Variants in DROSHA observed in about 807,000 individuals in gnomAD.
The protein encoded by DROSHA is drosha ribonuclease III.
In DROSHA, 56 loss-of-function variants were observed where a neutral mutation model predicts 181.9. The ratio of observed to expected loss-of-function variants is 0.31; its 90% CI spans 0.25 to 0.38. The LOEUF (loss-of-function observed/expected upper bound fraction) is 0.38, where lower values mean the gene tolerates loss of function less well. Ranked by LOEUF, DROSHA falls within the 10% of genes least tolerant of loss-of-function variation. The pLI is 1.00. For missense variants in DROSHA, 1,218 were observed against 1,743.5 expected (o/e 0.70, Z 5.37); for synonymous variants, 524 against 591.2 (o/e 0.89, Z 1.65).
intron 20 of DROSHA, among the ~76,000 whole-genome samples, chr5:31,461,078 G>T (rs1190980936): frequency 6.6e-6 from 1 of 152,076 alleles, no homozygotes; most frequent in Non-Finnish European, 1.5e-5. Context: ...ATTTATTAAG[G>T]ACGTAAAAAG....
chr5:31,523,308 C>T (rs1740115013), intron 5 of DROSHA, among the ~76,000 whole-genome samples: 1 of 152,136 alleles, frequency 6.6e-6, no homozygotes, highest in South Asian at 2.1e-4. Context: ...AAATAAAGCC[C>T]GTTTTAGAAA....
At chr5:31,463,561 T>A (rs1748654678) in intron 20 of DROSHA, among the ~76,000 whole-genome samples, 1 of 152,176 alleles carries the variant, frequency 6.6e-6, no homozygotes, top group Middle Eastern at 3.2e-3. Flanking sequence ...ACTGTAATTC[T>A]CATGGACTTC....
intron 5 of DROSHA, among the ~76,000 whole-genome samples, chr5:31,524,975 A>T (rs1561296669): frequency 6.6e-6 from 1 of 152,162 alleles, no homozygotes; most frequent in Non-Finnish European, 1.5e-5. Flanking sequence ...TGAGTGGATC[A>T]CTTGAGTTCA....
chr5:31,482,814 C>CT lies in DROSHA; in HGVS notation c.2071+739dup, dbSNP rs200907484. Among the ~76,000 whole-genome samples, 828 of 144,544 alleles carry CT rather than the reference C, an allele frequency of 5.7e-3. 3 individuals carry two copies. Among genetic ancestry groups the CT allele is most frequent in the Middle Eastern group, 0.014 (4 of 282 alleles). The allele number at this position is 144,544 out of a possible 152,430, so 94.8% of individuals were successfully genotyped here. ...CAACCAAAAGATTTCATTAAAAATA[C>CT]TTTTTTTTTTTTTTTAATTTTTAGA... is the stretch of plus-strand genomic sequence containing the variant. On this transcript the variant is annotated intron_variant, in intron 16 of 35. Transcript: ENST00000344624.
At chr5:31,498,403 G>GA (rs368763133) in intron 11 of DROSHA, among the ~76,000 whole-genome samples, 7 of 150,054 alleles carry the variant, frequency 4.7e-5, no homozygotes, top group African/African-American at 1.5e-4. Context: ...TGAATAAACT[G>GA]AAAAAAAAAG....
rs989193068 is a variant in DROSHA, at chr5:31,423,069, T to C, written c.3262-125A>G. On this transcript the variant is annotated intron_variant, in intron 28 of 35. Transcript: ENST00000344624. The stretch of plus-strand genomic sequence containing the variant: ...TGAGCAGAAATTTCTGAAATGCCAA[T>C]AAAGCATGGAAGCTCGTTTCTCATT... 1.4e-5 allele frequency: 12 copies of C among 876,404 alleles called. 1 individual carries two copies. The highest frequency in any genetic ancestry group is 7.2e-4 in the Middle Eastern group (2 of 2,774). The allele number at this position is 876,404 out of a possible 1,614,324, so 54.3% of individuals were successfully genotyped here. A position where few individuals can be genotyped will look rare whatever the true frequency, so the allele number is the denominator to read the frequency against.
chr5:31,451,676 A>G (rs1009373917), intron 20 of DROSHA, 36 bp from the exon 21 acceptor site: 1 of 1,473,508 alleles, frequency 6.8e-7, no homozygotes, highest in African/African-American at 1.4e-5. Context: ...TTAACTTTAT[A>G]AAAACTTATA....
Position 31,514,230 on chromosome 5 carries a change from C to CAT in DROSHA, c.1290+757_1290+758insAT, listed in dbSNP as rs1739023299. ...TCCTTATTTTTCATTTTGGAGAAAACACACACACACACACACACACACACA... is the reference window on the plus strand; with the variant it reads ...TCCTTATTTTTCATTTTGGAGAAAACATACACACACACACACACACACACACA... On this transcript the variant is annotated intron_variant, in intron 8 of 35. Coordinates refer to ENST00000344624, the MANE Select transcript of DROSHA (RefSeq NM_001382508.1). The surrounding 1 kb of genome is among the most constrained non-coding windows in gnomAD (Gnocchi z 4.4). Among the ~76,000 whole-genome samples, 1 of 61,544 alleles carries CAT rather than the reference C, an allele frequency of 1.6e-5. No individual in the cohort carries two copies. The highest frequency in any genetic ancestry group is 4.9e-5 in the African/African-American group (1 of 20,586). The allele number at this position is 61,544 out of a possible 152,430, so 40.4% of individuals were successfully genotyped here. A position where few individuals can be genotyped will look rare whatever the true frequency, so the allele number is the denominator to read the frequency against.
chr5:31,529,155 C>A, intron 3 of DROSHA, 50 bp from the exon 4 acceptor site: 1 of 1,483,952 alleles, frequency 6.7e-7, no homozygotes, highest in Non-Finnish European at 9.2e-7. Context: ...CCCAAACTGC[C>A]AATGCTACAA....
At chr5:31,415,460 T>C (rs1741825079) in intron 30 of DROSHA, among the ~76,000 whole-genome samples, 1 of 152,208 alleles carries the variant, frequency 6.6e-6, no homozygotes, top group African/African-American at 2.4e-5. Flanking sequence ...GAAATCCTCA[T>C]ACAGGAGGCT....
intron 23 of DROSHA, among the ~76,000 whole-genome samples, chr5:31,439,523 A>G: frequency 6.6e-6 from 1 of 152,184 alleles, no homozygotes; most frequent in Non-Finnish European, 1.5e-5. Flanking sequence ...GGTTTGTTAC[A>G]TAGGTAAGCT....
Position 31,435,866 on chromosome 5 carries a change from T to TA in DROSHA, c.2943-3dup, listed in dbSNP as rs1284066088. On this transcript the variant is annotated splice_polypyrimidine_tract_variant and splice_region_variant and intron_variant, in intron 24 of 35. Transcript: ENST00000344624. ...GGAAACAAATAGTACAAATGGACGC[T>TA]ACAAAAAAAAAAAGAAGTACATGAA... The TA allele has an allele frequency of 1.3e-6, 2 of 1,595,256 alleles. No individual in the cohort carries two copies. The highest frequency in any genetic ancestry group is 8.5e-7 in the Non-Finnish European group (1 of 1,173,884).
chr5:31,442,942 T>G (rs192552008), intron 23 of DROSHA, among the ~76,000 whole-genome samples: 1 of 152,102 alleles, frequency 6.6e-6, no homozygotes, highest in African/African-American at 2.4e-5. Flanking sequence ...ATTTAATATA[T>G]ATTATTGTGC....
intron 9 of DROSHA, 31 bp from the exon 10 acceptor site, chr5:31,508,806 T>G: frequency 6.3e-7 from 1 of 1,583,298 alleles, no homozygotes. Context: ...AATACAGAAA[T>G]TGATGGAATT....
At chr5:31,441,181 G>C (rs566836905) in intron 23 of DROSHA, among the ~76,000 whole-genome samples, 1 of 152,100 alleles carries the variant, frequency 6.6e-6, no homozygotes, top group Admixed American at 6.5e-5. Flanking sequence ...GGAGACTGAG[G>C]TGGGAGACAG....
At chr5:31,425,681 G>T (rs615344) in intron 27 of DROSHA, among the ~76,000 whole-genome samples, 53,287 of 151,804 alleles carry the variant, frequency 0.35, 11,599 homozygotes, top group African/African-American at 0.6. Flanking sequence ...ACTCTAAATA[G>T]CACATGGGCA....
chr5:31,418,731 T>C (rs1230177252), intron 30 of DROSHA, among the ~76,000 whole-genome samples: 1 of 152,090 alleles, frequency 6.6e-6, no homozygotes, highest in African/African-American at 2.4e-5. Context: ...TGGACTGGGA[T>C]ACAGAAAAGG....
At chr5:31,519,485 T>C (rs1739632873) in intron 6 of DROSHA, among the ~76,000 whole-genome samples, 1 of 152,212 alleles carries the variant, frequency 6.6e-6, no homozygotes, top group Non-Finnish European at 1.5e-5. Flanking sequence ...TTAATGCCTA[T>C]ATCACCCATA....
At chr5:31,415,984 C>T (rs527525467) in intron 30 of DROSHA, among the ~76,000 whole-genome samples, 45 of 152,350 alleles carry the variant, frequency 3.0e-4, no homozygotes, top group Middle Eastern at 6.8e-3. Flanking sequence ...AAGCCTAACA[C>T]TCCTTCCCGA....
Sources: gnomAD v4.1 joint callset for allele counts (sites outside exome capture counted in the v4.1 genomes callset) on GRCh38, gnomAD v4.1.1 for gene constraint, Gnocchi (gnomAD v3.1) non-coding constraint, MANE v1.5 for transcripts, NCBI Gene and HGNC (gene_info 2026-07-23, HGNC 2026-07-21) for gene names.